Variants in ANKH observed in about 807,000 individuals in gnomAD.
ANKH encodes ANKH inorganic pyrophosphate transport regulator.
ANKH carries 15 observed loss-of-function variants against 49.0 expected under a neutral mutation model. The ratio of observed to expected loss-of-function variants is 0.31; its 90% CI spans 0.20 to 0.47. ANKH has a LOEUF of 0.47. ANKH is among the 20% of genes least tolerant of loss of function. ANKH has a pLI of 1.00. For missense variants in ANKH, 429 were observed against 652.0 expected, an observed-to-expected ratio of 0.66 and a Z score of 3.72; for synonymous variants, 273 against 260.0, an observed-to-expected ratio of 1.05 and a Z score of -0.48.
intron 11 of ANKH, among the ~76,000 whole-genome samples, chr5:14,711,769 T>A (rs1737216810): frequency 6.6e-6 from 1 of 152,244 alleles, no homozygotes; most frequent in African/African-American, 2.4e-5. Flanking sequence ...CTCTCCCACT[T>A]ACTGCCTGTC....
chr5:14,742,538 T>G (rs1205416140), intron 7 of ANKH, among the ~76,000 whole-genome samples: 3 of 152,206 alleles, frequency 2.0e-5, no homozygotes, highest in Admixed American at 2.0e-4. Flanking sequence ...CCCATCATCT[T>G]CACTGCTCAT....
chr5:14,828,637 T>G (rs1286988313), intron 1 of ANKH, among the ~76,000 whole-genome samples: 1 of 152,166 alleles, frequency 6.6e-6, no homozygotes, highest in Non-Finnish European at 1.5e-5. Context: ...TACCATGGAA[T>G]GAAACCATCA....
chr5:14,730,432 A>C (rs570319330), intron 8 of ANKH, among the ~76,000 whole-genome samples: 1 of 152,172 alleles, frequency 6.6e-6, no homozygotes, highest in Non-Finnish European at 1.5e-5. Flanking sequence ...AGGCTGAAAA[A>C]CTCTCAGAAG....
intron 1 of ANKH, among the ~76,000 whole-genome samples, chr5:14,783,826 T>C (rs72734714): frequency 0.15 from 23,582 of 152,296 alleles, 2,224 homozygotes; most frequent in Middle Eastern, 0.26. Flanking sequence ...TGCTATTTCA[T>C]GCATACGTGA....
At chr5:14,750,791 G>A (rs973263023) in intron 5 of ANKH, among the ~76,000 whole-genome samples, 2 of 152,180 alleles carry the variant, frequency 1.3e-5, no homozygotes, top group Non-Finnish European at 2.9e-5. Flanking sequence ...AACCATGAAT[G>A]TCGTATCTAT....
chr5:14,765,747 C>T (rs1739240118), intron 2 of ANKH, among the ~76,000 whole-genome samples: 1 of 152,204 alleles, frequency 6.6e-6, no homozygotes, highest in African/African-American at 2.4e-5. Flanking sequence ...GCTTTTAGTG[C>T]TCTTTGACCT....
Position 14,741,894 on chromosome 5 carries a change from G to A in ANKH, c.944C>T (p.Thr315Met), listed in dbSNP as rs559321861. ...KNNPSNKLVS[T>M]SNTVTAAHIK... Reference sequence around the variant, plus strand: ...GTGGGCTGCCGTGACTGTGTTGCTCGTGCTCACCAGTTTGTTGCTGGGGTT... The same window carrying A: ...GTGGGCTGCCGTGACTGTGTTGCTCATGCTCACCAGTTTGTTGCTGGGGTT... The change falls in exon 8 of 12, where the codon ACG (threonine) becomes ATG (methionine). Residue 315 changes from threonine (T) to methionine (M), a missense_variant. Around this residue, in one of 2 missense-constraint regions of ANKH, gnomAD observed 378 missense variants for 615.3 expected, o/e 0.61. Coordinates refer to ENST00000284268, the MANE Select transcript of ANKH (RefSeq NM_054027.6). The A allele has an allele frequency of 4.0e-5, 65 of 1,614,150 alleles. No homozygotes were observed. Among genetic ancestry groups the A allele is most frequent in the South Asian group, 3.6e-4 (33 of 91,070 alleles).
chr5:14,818,161 G>A (rs1369050330), intron 1 of ANKH, among the ~76,000 whole-genome samples: 4 of 149,240 alleles, frequency 2.7e-5, no homozygotes, highest in South Asian at 2.1e-4. Flanking sequence ...AATTCACCAC[G>A]CATCCTGATG....
chr5:14,759,482 G>T (rs1050688995), intron 2 of ANKH, among the ~76,000 whole-genome samples: 11 of 152,156 alleles, frequency 7.2e-5, no homozygotes, highest in African/African-American at 4.8e-5. Context: ...CAGGCATGAT[G>T]GCTCATGCCT....
At chr5:14,773,830 T>A (rs577117824) in intron 1 of ANKH, among the ~76,000 whole-genome samples, 4 of 152,330 alleles carry the variant, frequency 2.6e-5, no homozygotes, top group Admixed American at 1.3e-4. Flanking sequence ...CATTATTTGT[T>A]GAATGAACGA....
intron 1 of ANKH, among the ~76,000 whole-genome samples, chr5:14,777,625 A>C (rs1258213476): frequency 6.6e-6 from 1 of 152,184 alleles, no homozygotes; most frequent in Non-Finnish European, 1.5e-5. Flanking sequence ...TCAGGACAGG[A>C]GGCACCAATT....
At chr5:14,736,228 G>C (rs952215157) in intron 8 of ANKH, among the ~76,000 whole-genome samples, 1 of 151,962 alleles carries the variant, frequency 6.6e-6, no homozygotes, top group East Asian at 1.9e-4. Context: ...TGAAGCCAGT[G>C]AAACCAGTTA....
At chr5:14,734,896 C>G (rs1738126620) in intron 8 of ANKH, among the ~76,000 whole-genome samples, 1 of 152,176 alleles carries the variant, frequency 6.6e-6, no homozygotes, top group Non-Finnish European at 1.5e-5. Context: ...TTGAGGCAAT[C>G]TGGGGGTGAA....
chr5:14,806,538 G>T (rs1234920710), intron 1 of ANKH, among the ~76,000 whole-genome samples: 2 of 152,148 alleles, frequency 1.3e-5, no homozygotes, highest in African/African-American at 4.8e-5. Flanking sequence ...TAGGTGGTCA[G>T]GGGAGTGGCT....
At chr5:14,728,613 G>A (rs183677776) in intron 8 of ANKH, among the ~76,000 whole-genome samples, 27 of 152,292 alleles carry the variant, frequency 1.8e-4, no homozygotes, top group Admixed American at 1.2e-3. Context: ...TGGTGCCACC[G>A]CTGGAATATG....
At chr5:14,788,785 T>C (rs896019668) in intron 1 of ANKH, among the ~76,000 whole-genome samples, 5 of 152,266 alleles carry the variant, frequency 3.3e-5, no homozygotes, top group African/African-American at 9.6e-5. Context: ...TCACACAGGT[T>C]AATAATACTA....
intron 1 of ANKH, among the ~76,000 whole-genome samples, chr5:14,780,274 G>A (rs971529583): frequency 2.0e-5 from 3 of 152,178 alleles, no homozygotes; most frequent in African/African-American, 7.2e-5. Flanking sequence ...CAGACATGGT[G>A]GCTCACGTCT....
chr5:14,774,112 T>C (rs1225134621), intron 1 of ANKH, among the ~76,000 whole-genome samples: 1 of 152,236 alleles, frequency 6.6e-6, no homozygotes, highest in African/African-American at 2.4e-5. Context: ...TATCCCCATC[T>C]GGAGCAAACG....
chr5:14,855,549 A>G (rs558513046), intron 1 of ANKH, among the ~76,000 whole-genome samples: 10 of 152,302 alleles, frequency 6.6e-5, no homozygotes, highest in African/African-American at 2.2e-4. Context: ...TTGAGTAACC[A>G]GCATACATTG....
Sources: allele counts gnomAD v4.1 joint callset (sites outside exome capture counted in the v4.1 genomes callset), GRCh38; gene constraint gnomAD v4.1.1; regional missense constraint gnomAD v4.1.1; transcripts MANE v1.5; gene names NCBI Gene and HGNC (gene_info 2026-07-23, HGNC 2026-07-21).